Variants in CASK observed in about 807,000 individuals in gnomAD.
CASK encodes the protein peripheral plasma membrane protein CASK.
CASK carries 4 observed loss-of-function variants against 82.9 expected under a neutral mutation model. That is an observed-to-expected ratio of 0.05 (90% CI 0.02 to 0.11). CASK has a LOEUF of 0.11. Among genes scored for constraint, CASK ranks in the 10% least tolerant of loss-of-function variants. CASK has a pLI of 1.00. For synonymous variants in CASK, 259 were observed against 253.5 expected (o/e 1.02, Z -0.20); for missense variants, 358 against 720.9 (o/e 0.50, Z 5.76).
chrX:41,545,898 T>C, intron 21 of CASK, among the ~76,000 whole-genome samples: 1 of 109,174 alleles, frequency 9.2e-6, no homozygotes, highest in Middle Eastern at 4.7e-3. Context: ...CTTGGCTCAC[T>C]GTCATCTTGA....
intron 5 of CASK, among the ~76,000 whole-genome samples, chrX:41,678,113 T>C (rs2067298483): frequency 8.9e-6 from 1 of 112,186 alleles, no homozygotes; most frequent in South Asian, 3.7e-4. Context: ...CAGTCCACAT[T>C]CAGTTTTCCT....
chrX:41,550,396 T>A (rs1239505448), intron 21 of CASK, among the ~76,000 whole-genome samples: 3 of 111,631 alleles, frequency 2.7e-5, no homozygotes, highest in Non-Finnish European at 5.6e-5. Context: ...TTCCATTGTA[T>A]GGCTATATCA....
chrX:41,886,246 A>C (rs983971442), intron 1 of CASK, among the ~76,000 whole-genome samples: 2 of 111,895 alleles, frequency 1.8e-5, no homozygotes, highest in Admixed American at 9.5e-5. Context: ...GTACTCAATT[A>C]ACATCTCACT....
intron 1 of CASK, among the ~76,000 whole-genome samples, chrX:41,868,915 A>C (rs1473301732): frequency 9.0e-6 from 1 of 111,432 alleles, no homozygotes; most frequent in Non-Finnish European, 1.9e-5. Flanking sequence ...GTACCCTTTC[A>C]CTACCAAAAC....
Position 41,835,546 on chromosome X carries a change from C to T in CASK, c.172+17569G>A, listed in dbSNP as rs757589064. ...TCTATTATATAAACATGAGCCTCCT[C>T]ATCTACATACTGAAGTCATATAAGA... On this transcript the variant is annotated intron_variant, in intron 2 of 26. Transcript: ENST00000378163. Among the ~76,000 whole-genome samples, 18 of 111,883 alleles carry T rather than the reference C, an allele frequency of 1.6e-4. No individual in the cohort carries two copies. The East Asian group carries it at 5.0e-3, about 31-fold the overall frequency.
At chrX:41,834,369 C>A (rs1405825376) in intron 2 of CASK, among the ~76,000 whole-genome samples, 1 of 111,929 alleles carries the variant, frequency 8.9e-6, no homozygotes, top group Non-Finnish European at 1.9e-5. Context: ...CAGACATTTT[C>A]TTAAGCATAT....
At chrX:41,710,864 C>T (rs1159728240) in intron 5 of CASK, among the ~76,000 whole-genome samples, 2 of 112,190 alleles carry the variant, frequency 1.8e-5, no homozygotes, top group Middle Eastern at 4.6e-3. Context: ...TCCATAAAAC[C>T]GCAAAAGGAC....
chrX:41,727,461 A>T (rs2068282528), intron 5 of CASK: 2 of 1,207,374 alleles, frequency 1.7e-6, no homozygotes, highest in Non-Finnish European at 2.2e-6. Flanking sequence ...TACTGAAAAA[A>T]TTTCGCCAGC....
At chrX:41,581,939 G>A (rs2065586167) in intron 14 of CASK, among the ~76,000 whole-genome samples, 1 of 111,491 alleles carries the variant, frequency 9.0e-6, no homozygotes, top group Non-Finnish European at 1.9e-5. Flanking sequence ...CCACTGATTG[G>A]TGAGTGACCT....
At chrX:41,650,191 C>T (rs2066841321) in intron 8 of CASK, among the ~76,000 whole-genome samples, 1 of 111,371 alleles carries the variant, frequency 9.0e-6, no homozygotes, top group Admixed American at 9.6e-5. Flanking sequence ...ACTGATGGGT[C>T]TTGACTCTTT....
chrX:41,739,535 A>G, intron 4 of CASK, 79 bp from the exon 5 acceptor site: 1 of 627,108 alleles, frequency 1.6e-6, no homozygotes, highest in Non-Finnish European at 2.7e-6. Context: ...CTAGTTTATA[A>G]CTCCCACTCT....
Position 41,626,720 on chromosome X carries a change from A to G in CASK, c.916-17T>C, listed in dbSNP as rs2147336997. ...TACTGCACCCTAAAACAAAGAGATG[A>G]AAAAATAGATTATTAAAACAAATAC... is the stretch of plus-strand genomic sequence containing the variant. On this transcript the variant is annotated splice_polypyrimidine_tract_variant and intron_variant, in intron 9 of 26. Transcript: ENST00000378163. 1 of 991,618 alleles carries G rather than the reference A, an allele frequency of 1.0e-6. No homozygotes were observed. The highest frequency in any genetic ancestry group is 2.2e-5 in the Admixed American group (1 of 45,685). 81.7% of individuals were successfully genotyped at this position (991,618 alleles called of 1,213,427 possible). A position where few individuals can be genotyped will look rare whatever the true frequency, so the allele number is the denominator to read the frequency against.
At chrX:41,570,006 TTTTC>T (rs2065385664) in intron 15 of CASK, among the ~76,000 whole-genome samples, 2 of 89,480 alleles carry the variant, frequency 2.2e-5, no homozygotes, top group Non-Finnish European at 2.2e-5. Context: ...TTCTTTTCTT[TTTTC>T]TTTTTTTTTT....
intron 8 of CASK, among the ~76,000 whole-genome samples, chrX:41,643,369 G>A (rs1245906706): frequency 9.0e-6 from 1 of 111,428 alleles, no homozygotes; most frequent in Admixed American, 9.5e-5. Context: ...TGGGCAGTAT[G>A]GCCATTTTCA....
intron 3 of CASK, among the ~76,000 whole-genome samples, chrX:41,774,266 C>A (rs749516456): frequency 7.7e-4 from 85 of 111,089 alleles, no homozygotes; most frequent in Non-Finnish European, 1.4e-3. Context: ...AATCAATGTA[C>A]AAAAATCACA....
intron 1 of CASK, among the ~76,000 whole-genome samples, chrX:41,883,644 A>G (rs1270757469): frequency 1.8e-5 from 2 of 111,479 alleles, no homozygotes; most frequent in East Asian, 2.8e-4. Context: ...ACGAAACGAT[A>G]TTGTCATGGA....
chrX:41,613,054 A>T (rs1167983254), intron 11 of CASK, among the ~76,000 whole-genome samples: 1 of 106,349 alleles, frequency 9.4e-6, no homozygotes, highest in Non-Finnish European at 1.9e-5. Flanking sequence ...CTGGGAGGTG[A>T]GGGGCGCCTC....
At chrX:41,733,100 T>C (rs978817316) in intron 5 of CASK, among the ~76,000 whole-genome samples, 7 of 97,425 alleles carry the variant, frequency 7.2e-5, no homozygotes, top group African/African-American at 2.3e-4. Flanking sequence ...TGCTTGAACG[T>C]GGGAGGTGGA....
intron 8 of CASK, among the ~76,000 whole-genome samples, chrX:41,648,723 T>C (rs1301739375): frequency 8.9e-6 from 1 of 112,046 alleles, no homozygotes; most frequent in Non-Finnish European, 1.9e-5. Flanking sequence ...TCCTTTTTTT[T>C]GTTGTGTCTC....
Sources: gnomAD v4.1 joint callset for allele counts (sites outside exome capture counted in the v4.1 genomes callset) on GRCh38, gnomAD v4.1.1 for gene constraint, MANE v1.5 for transcripts, NCBI Gene and HGNC (gene_info 2026-07-23, HGNC 2026-07-21) for gene names.